Variants in ERICH5 observed in about 807,000 individuals in gnomAD.
The protein encoded by ERICH5 is glutamate rich 5.
Under a neutral mutation model 28.0 loss-of-function variants are expected in ERICH5, and 24 were observed. The observed-to-expected ratio is 0.86, with a 90% confidence interval of 0.62 to 1.21. ERICH5 has a LOEUF of 1.21. Ranked by LOEUF, ERICH5 falls within the 50% of genes most tolerant of loss-of-function variation. The probability of loss-of-function intolerance (pLI) is 0.00; values close to 1 mark genes in which losing one functional copy is unlikely to be tolerated. For missense variants in ERICH5, 421 were observed against 441.2 expected (o/e 0.95, Z 0.41); for synonymous variants, 163 against 157.6 (o/e 1.03, Z -0.25).
At position 98,080,547 on chromosome 8, in the gene ERICH5, T is replaced by G. The variant is rs145877844; in HGVS notation, c.59-8529T>G. Among the ~76,000 whole-genome samples the G allele has an allele frequency of 1.2e-4, 18 of 152,298 alleles. 2 individuals are homozygous for G. The highest frequency in any genetic ancestry group is 4.3e-4 in the African/African-American group (18 of 41,552). On this transcript the variant is annotated intron_variant, in intron 1 of 2. Transcript: ENST00000318528. Reference sequence around the variant, plus strand: ...TCTGAGAGATGGTTCAAAACAACTATTTGTTTTCCAATCTTTCATTTCTTC... The same window carrying G: ...TCTGAGAGATGGTTCAAAACAACTAGTTGTTTTCCAATCTTTCATTTCTTC...
rs149824867 is a variant in ERICH5 at position 98,092,693 on chromosome 8, A to G, written c.1013-528A>G. Among the ~76,000 whole-genome samples, 431 of 152,166 alleles carry G rather than the reference A, an allele frequency of 2.8e-3. 4 individuals carry two copies. The highest frequency in any genetic ancestry group is 9.6e-3 in the African/African-American group (400 of 41,524). On this transcript the variant is annotated intron_variant, in intron 2 of 2. Transcript: ENST00000318528. ...TAGAGAGCATTTCTTTCATAAGAGT[A>G]TGCCAAGACTCGAGATGTTAATTGA...
At chr8:98,080,439 G>A (rs908253316) in intron 1 of ERICH5, among the ~76,000 whole-genome samples, 13 of 152,150 alleles carry the variant, frequency 8.5e-5, no homozygotes, top group African/African-American at 2.7e-4. Flanking sequence ...CTTCAGCAGC[G>A]CAAGAGTAAG....
chr8:98,090,156 C>T (rs1815358429), intron 2 of ERICH5, 127 bp downstream of exon 2: 2 of 658,860 alleles, frequency 3.0e-6, no homozygotes, highest in Non-Finnish European at 4.9e-6. Flanking sequence ...GTTCGTTTGA[C>T]CAAACCAAAA....
At chr8:98,091,962 T>C (rs1437029516) in intron 2 of ERICH5, among the ~76,000 whole-genome samples, 7 of 49,284 alleles carry the variant, frequency 1.4e-4, no homozygotes, top group African/African-American at 4.3e-4. Flanking sequence ...CTTTCTTTCT[T>C]TTTTCTTTCT....
intron 1 of ERICH5, among the ~76,000 whole-genome samples, chr8:98,082,627 AAG>A (rs1226162644): frequency 1.3e-5 from 2 of 149,328 alleles, no homozygotes; most frequent in Non-Finnish European, 3.0e-5. Flanking sequence ...CCTGGGCAGT[AAG>A]AGCAAAACTC....
Position 98,091,913 on chromosome 8 carries a change from CTTTCTTCCTTT to C in ERICH5, c.1013-1307_1013-1297del, listed in dbSNP as rs1563759631. Among the ~76,000 whole-genome samples the C allele has an allele frequency of 1.7e-3, 133 of 80,346 alleles. 1 individual carries two copies. Among genetic ancestry groups the C allele is most frequent in the African/African-American group, 6.2e-3 (123 of 19,694 alleles). 52.7% of individuals were successfully genotyped at this position (80,346 alleles called of 152,430 possible). A position where few individuals can be genotyped will look rare whatever the true frequency, so the allele number is the denominator to read the frequency against. On this transcript the variant is annotated intron_variant, in intron 2 of 2. Transcript: ENST00000318528. ...CTTTCTTTCTTTCCTTTCTTTCTTT[CTTTCTTCCTTT>C]CTTTCTTTCTTCCTTTCTTTCTTTC... is the stretch of plus-strand genomic sequence containing the variant.
chr8:98,071,894 T>C (rs752323694), intron 1 of ERICH5, among the ~76,000 whole-genome samples: 1 of 145,178 alleles, frequency 6.9e-6, no homozygotes, highest in Middle Eastern at 3.4e-3. Flanking sequence ...TGTTTTTATT[T>C]TATTTTTTAA....
At chr8:98,088,079 T>TA (rs1815312192) in intron 1 of ERICH5, among the ~76,000 whole-genome samples, 2 of 150,752 alleles carry the variant, frequency 1.3e-5, no homozygotes, top group African/African-American at 4.9e-5. Context: ...AAAACAAAAA[T>TA]AAAAAAATGG....
intron 1 of ERICH5, among the ~76,000 whole-genome samples, chr8:98,071,650 T>A (rs1410227262): frequency 1.3e-5 from 2 of 151,758 alleles, no homozygotes; most frequent in Non-Finnish European, 2.9e-5. Context: ...ACTGTAATTT[T>A]TTTTTAAAGC....
intron 1 of ERICH5, among the ~76,000 whole-genome samples, chr8:98,083,908 G>A (rs1313221938): frequency 6.6e-6 from 1 of 151,998 alleles, no homozygotes; most frequent in Non-Finnish European, 1.5e-5. Context: ...TAGAGACAGG[G>A]TCTCACTCCC....
intron 1 of ERICH5, among the ~76,000 whole-genome samples, chr8:98,069,082 A>C (rs535029375): frequency 6.6e-6 from 1 of 152,346 alleles, no homozygotes; most frequent in East Asian, 1.9e-4. Flanking sequence ...ATAAACATTA[A>C]ATTTAATTTG....
intron 2 of ERICH5, 73 bp from the exon 3 acceptor site, chr8:98,093,148 A>G: frequency 9.5e-7 from 1 of 1,056,232 alleles, no homozygotes; most frequent in Non-Finnish European, 1.4e-6. Context: ...CCCCCATTGG[A>G]GACAAACTGT....
At chr8:98,082,719 C>T (rs534898937) in intron 1 of ERICH5, among the ~76,000 whole-genome samples, 37 of 151,178 alleles carry the variant, frequency 2.4e-4, no homozygotes, top group Admixed American at 2.0e-3. Context: ...AAATATTTAA[C>T]ACTTAGCCTG....
chr8:98,085,487 C>A (rs1815259866), intron 1 of ERICH5, among the ~76,000 whole-genome samples: 1 of 152,072 alleles, frequency 6.6e-6, no homozygotes, highest in African/African-American at 2.4e-5. Flanking sequence ...TTGACCTATT[C>A]ACCTGTTGAT....
At chr8:98,076,296 C>T (rs920588302) in intron 1 of ERICH5, among the ~76,000 whole-genome samples, 7 of 151,936 alleles carry the variant, frequency 4.6e-5, no homozygotes, top group Non-Finnish European at 7.4e-5. Context: ...TCAAGTGATT[C>T]GCCCACCTTG....
At chr8:98,065,349 C>A (rs1233801985) in intron 1 of ERICH5, among the ~76,000 whole-genome samples, 3 of 152,246 alleles carry the variant, frequency 2.0e-5, no homozygotes, top group Non-Finnish European at 4.4e-5. Context: ...TGGGTCCCTG[C>A]ACTCTGAATA....
At chr8:98,065,351 C>T (rs1257721262) in intron 1 of ERICH5, among the ~76,000 whole-genome samples, 1 of 152,220 alleles carries the variant, frequency 6.6e-6, no homozygotes, top group Non-Finnish European at 1.5e-5. Flanking sequence ...GGTCCCTGCA[C>T]TCTGAATAGG....
intron 1 of ERICH5, among the ~76,000 whole-genome samples, chr8:98,085,723 A>G (rs1289611955): frequency 6.6e-6 from 1 of 152,130 alleles, no homozygotes; most frequent in East Asian, 1.9e-4. Flanking sequence ...CTTTAGCACC[A>G]CCTGCAGGGC....
chr8:98,090,964 G>A (rs1815373620), intron 2 of ERICH5, among the ~76,000 whole-genome samples: 1 of 151,850 alleles, frequency 6.6e-6, no homozygotes, highest in South Asian at 2.1e-4. Context: ...TTGAGATGGA[G>A]TCTTGCTCTG....
Sources: allele counts gnomAD v4.1 joint callset (sites outside exome capture counted in the v4.1 genomes callset), GRCh38; gene constraint gnomAD v4.1.1; transcripts MANE v1.5; gene names NCBI Gene and HGNC (gene_info 2026-07-23, HGNC 2026-07-21).